Variants in NAALADL2 observed in about 807,000 individuals in gnomAD.
The protein encoded by NAALADL2 is N-acetylated alpha-linked acidic dipeptidase like 2.
Under a neutral mutation model 87.2 loss-of-function variants are expected in NAALADL2, and 76 were observed. The ratio of observed to expected loss-of-function variants is 0.87; its 90% CI spans 0.72 to 1.05. The LOEUF is 1.05. Among genes scored for constraint, NAALADL2 ranks in the 50% least tolerant of loss-of-function variants. The probability of loss-of-function intolerance (pLI) is 0.00; values close to 1 mark genes in which losing one functional copy is unlikely to be tolerated. For missense variants in NAALADL2, 1,089 were observed against 945.8 expected (o/e 1.15, Z -1.99); for synonymous variants, 354 against 331.0 (o/e 1.07, Z -0.75).
chr3:175,471,171 A>G (rs1724808457), intron 8 of NAALADL2, among the ~76,000 whole-genome samples: 1 of 152,090 alleles, frequency 6.6e-6, no homozygotes, highest in South Asian at 2.1e-4. Context: ...ACTATTACAT[A>G]GTATAGGATC....
At chr3:175,383,424 G>A (rs938000177) in intron 5 of NAALADL2, among the ~76,000 whole-genome samples, 1 of 149,600 alleles carries the variant, frequency 6.7e-6, no homozygotes, top group Non-Finnish European at 1.5e-5. Context: ...TCAGTTTTTT[G>A]TGATGAGAAC....
intron 1 of NAALADL2, among the ~76,000 whole-genome samples, chr3:174,542,017 A>G (rs999440195): frequency 3.2e-4 from 49 of 152,182 alleles, no homozygotes; most frequent in African/African-American, 1.1e-3. Context: ...TTGGCCAACA[A>G]TAATTATACC....
At chr3:175,689,183 G>A (rs1736712356) in intron 11 of NAALADL2, among the ~76,000 whole-genome samples, 2 of 152,114 alleles carry the variant, frequency 1.3e-5, no homozygotes, top group Non-Finnish European at 2.9e-5. Flanking sequence ...ATTAGCACAA[G>A]TGAATATAAA....
chr3:174,670,888 C>A (rs1368746689), intron 2 of NAALADL2, among the ~76,000 whole-genome samples: 1 of 151,868 alleles, frequency 6.6e-6, no homozygotes, highest in South Asian at 2.1e-4. Context: ...CTAGATCATG[C>A]GAGTGGTTTT....
intron 1 of NAALADL2, among the ~76,000 whole-genome samples, chr3:174,915,346 G>A (rs910268882): frequency 6.6e-6 from 1 of 152,126 alleles, no homozygotes; most frequent in Non-Finnish European, 1.5e-5. Context: ...TCTAGGCTTT[G>A]TAATTAGACA....
intron 9 of NAALADL2, among the ~76,000 whole-genome samples, chr3:175,536,702 A>T (rs562131695): frequency 6.6e-6 from 1 of 152,202 alleles, no homozygotes. Flanking sequence ...TTTAGCAGAG[A>T]CAGGGTTTCA....
intron 2 of NAALADL2, among the ~76,000 whole-genome samples, chr3:175,211,871 CA>C (rs1477720295): frequency 6.6e-6 from 1 of 151,888 alleles, no homozygotes; most frequent in Non-Finnish European, 1.5e-5. Flanking sequence ...TTGCCCAAAT[CA>C]AAAATGATTA....
chr3:175,096,891 G>C lies in NAALADL2; in HGVS notation c.145G>C (p.Glu49Gln), dbSNP rs757258130. The C allele has an allele frequency of 1.2e-6, 2 of 1,613,370 alleles. No individual in the cohort carries two copies. Among genetic ancestry groups the C allele is most frequent in the South Asian group, 1.1e-5 (1 of 91,052 alleles). ...DDLQATALDL[E>Q]WDMEKELEES... ...CCTTCAAGCCACTGCCCTTGACTTA[G>C]AGTGGGACATGGAGAAGGAACTAGA... Residue 49 changes from glutamate (E) to glutamine (Q), a missense_variant, in exon 2 of 14, where the codon GAG becomes CAG. By Grantham distance (29) the Glu-to-Gln change is conservative. Transcript: ENST00000454872.
At chr3:175,798,689 T>C (rs557157103) in intron 13 of NAALADL2, among the ~76,000 whole-genome samples, 1 of 152,218 alleles carries the variant, frequency 6.6e-6, no homozygotes, top group Non-Finnish European at 1.5e-5. Flanking sequence ...GTTTTAGACC[T>C]GAACATTTTT....
intron 1 of NAALADL2, among the ~76,000 whole-genome samples, chr3:174,442,682 C>T (rs1195414776): frequency 2.0e-5 from 3 of 152,158 alleles, no homozygotes; most frequent in African/African-American, 7.2e-5. Flanking sequence ...AAAGAAGAAA[C>T]TTCTGGCTTC....
chr3:175,110,141 G>T (rs1723937364), intron 2 of NAALADL2, among the ~76,000 whole-genome samples: 1 of 151,674 alleles, frequency 6.6e-6, no homozygotes, highest in Non-Finnish European at 1.5e-5. Context: ...GAACTCTTAT[G>T]GTACGAATAA....
At chr3:175,405,881 CA>C (rs1335475849) in intron 5 of NAALADL2, among the ~76,000 whole-genome samples, 1 of 152,110 alleles carries the variant, frequency 6.6e-6, no homozygotes, top group Non-Finnish European at 1.5e-5. Context: ...AAAATTATTT[CA>C]TTTTTTATTC....
chr3:175,302,545 A>G (rs34776313), intron 4 of NAALADL2, among the ~76,000 whole-genome samples: 57,585 of 152,080 alleles, frequency 0.38, 13,118 homozygotes, highest in Non-Finnish European at 0.5. Flanking sequence ...ATATAGGCTA[A>G]ATTGATAGAA....
chr3:175,284,044 GT>G (rs1754666139), intron 4 of NAALADL2, among the ~76,000 whole-genome samples: 1 of 152,018 alleles, frequency 6.6e-6, no homozygotes, highest in East Asian at 1.9e-4. Flanking sequence ...AAAAACTCGT[GT>G]CTTTGCTGAA....
At chr3:174,873,869 T>TA (rs1457410798) in intron 1 of NAALADL2, among the ~76,000 whole-genome samples, 10 of 151,874 alleles carry the variant, frequency 6.6e-5, no homozygotes, top group Non-Finnish European at 7.4e-5. Context: ...GAGTAGGTGA[T>TA]ACCTGCTTCC....
chr3:175,274,586 G>A (rs1753311882), intron 4 of NAALADL2, among the ~76,000 whole-genome samples: 1 of 152,148 alleles, frequency 6.6e-6, no homozygotes, highest in Non-Finnish European at 1.5e-5. Flanking sequence ...TAACCAGTGA[G>A]AAAAGGGAAC....
chr3:174,762,530 C>T (rs931276724), intron 3 of NAALADL2, among the ~76,000 whole-genome samples: 12 of 151,152 alleles, frequency 7.9e-5, no homozygotes, highest in African/African-American at 2.4e-4. Flanking sequence ...AAATTAGCTC[C>T]TTTCCCTTCT....
intron 9 of NAALADL2, among the ~76,000 whole-genome samples, chr3:175,484,831 G>A (rs1005189550): frequency 1.3e-5 from 2 of 152,120 alleles, no homozygotes; most frequent in Middle Eastern, 3.2e-3. Context: ...ATGGAAACAA[G>A]AAGTGAAAGC....
chr3:174,920,789 T>C (rs1179243532), intron 1 of NAALADL2, among the ~76,000 whole-genome samples: 1 of 152,230 alleles, frequency 6.6e-6, no homozygotes, highest in Non-Finnish European at 1.5e-5. Flanking sequence ...TCTGTAGCTT[T>C]TGATTTAAAA....
Sources: gnomAD v4.1 joint callset for allele counts (sites outside exome capture counted in the v4.1 genomes callset) on GRCh38, gnomAD v4.1.1 for gene constraint, MANE v1.5 for transcripts, NCBI Gene and HGNC (gene_info 2026-07-23, HGNC 2026-07-21) for gene names.